The following ZFHX4 variants were observed in gnomAD, a reference collection of about 807,000 sequenced individuals.
ZFHX4 encodes the protein zinc finger homeobox 4, also known as zinc finger homeobox protein 4.
Under a neutral mutation model 267.6 loss-of-function variants are expected in ZFHX4, and 56 were observed. The ratio of observed to expected loss-of-function variants is 0.21; its 90% CI spans 0.17 to 0.26. The LOEUF is 0.26. ZFHX4 is among the 10% of genes least tolerant of loss of function. The pLI is 1.00. For synonymous variants in ZFHX4, 1,778 were observed against 1,665.6 expected (o/e 1.07, Z -1.64); for missense variants, 4,332 against 4,420.0 (o/e 0.98, Z 0.56).
At chr8:76,858,130 G>A (rs201976886) in intron 10 of ZFHX4, among the ~76,000 whole-genome samples, 1 of 152,316 alleles carries the variant, frequency 6.6e-6, no homozygotes, top group East Asian at 1.9e-4. Context: ...TTCGGACAGT[G>A]GTCCTTCTGC....
At chr8:76,788,326 A>G (rs1810747022) in intron 4 of ZFHX4, among the ~76,000 whole-genome samples, 1 of 152,222 alleles carries the variant, frequency 6.6e-6, no homozygotes, top group Non-Finnish European at 1.5e-5. Flanking sequence ...ATTCTGAGGA[A>G]AGCCTCAGAA....
intron 1 of ZFHX4, among the ~76,000 whole-genome samples, chr8:76,692,102 T>TC (rs1015390155): frequency 1.1e-4 from 17 of 152,236 alleles, no homozygotes; most frequent in African/African-American, 4.1e-4. Flanking sequence ...GCTGGTTTGG[T>TC]CCTAAGGGGC....
intron 4 of ZFHX4, among the ~76,000 whole-genome samples, chr8:76,818,612 G>A (rs1290271663): frequency 6.6e-6 from 1 of 152,002 alleles, no homozygotes; most frequent in Non-Finnish European, 1.5e-5. Flanking sequence ...ATAGAAAAGA[G>A]CATTAAAAAT....
chr8:76,844,386 C>T (rs749883727), intron 6 of ZFHX4, among the ~76,000 whole-genome samples: 21 of 152,144 alleles, frequency 1.4e-4, no homozygotes, highest in African/African-American at 4.1e-4. Flanking sequence ...CATGTAATCC[C>T]GAGGTATATG....
chr8:76,696,851 C>A (rs1409277267), intron 1 of ZFHX4, among the ~76,000 whole-genome samples: 1 of 151,844 alleles, frequency 6.6e-6, no homozygotes, highest in Non-Finnish European at 1.5e-5. Flanking sequence ...TAAAAAGACA[C>A]TTGTATTTGG....
chr8:76,763,675 T>A (rs1467444566), intron 3 of ZFHX4, among the ~76,000 whole-genome samples: 1 of 152,104 alleles, frequency 6.6e-6, no homozygotes, highest in Non-Finnish European at 1.5e-5. Flanking sequence ...TATATGATAA[T>A]GGTTGTAAAT....
At chr8:76,699,768 C>T (rs1808054413) in intron 1 of ZFHX4, among the ~76,000 whole-genome samples, 1 of 143,028 alleles carries the variant, frequency 7.0e-6, no homozygotes, top group South Asian at 2.2e-4. Flanking sequence ...AAAGTCCAGC[C>T]AAAATTCTTT....
At chr8:76,836,007 T>C (rs1485620538) in intron 5 of ZFHX4, among the ~76,000 whole-genome samples, 1 of 152,162 alleles carries the variant, frequency 6.6e-6, no homozygotes, top group Non-Finnish European at 1.5e-5. Flanking sequence ...TCCATCTCAA[T>C]TGATGACATC....
Position 76,864,509 on chromosome 8 carries a change from G to C in ZFHX4, c.10795G>C (p.Ala3599Pro), listed in dbSNP as rs1485304986. 6.2e-7 allele frequency: 1 copy of C among 1,612,918 alleles called. No homozygotes were observed. The highest frequency in any genetic ancestry group is 1.7e-5 in the Admixed American group (1 of 59,910). Residue 3599 changes from alanine to proline, a missense_variant, in exon 11 of 11, where the codon GCT becomes CCT. Ala to Pro is a conservative substitution (Grantham distance 27). Around this residue, in one of 7 missense-constraint regions of ZFHX4, gnomAD observed 1,648 missense variants for 1,625.0 expected, o/e 1.01. Transcript: ENST00000651372. Reference protein sequence around the residue: ...DNSLEVKAKPASGLDGNFNSI... With the variant: ...DNSLEVKAKPPSGLDGNFNSI... ...TTCTTTGGAAGTGAAGGCTAAGCCT[G>C]CTTCTGGCCTAGATGGTAATTTCAA...
intron 4 of ZFHX4, among the ~76,000 whole-genome samples, chr8:76,797,358 T>TA (rs1340479319): frequency 6.6e-6 from 1 of 152,200 alleles, no homozygotes; most frequent in Non-Finnish European, 1.5e-5. Flanking sequence ...TTCATATGTA[T>TA]AACCATAAGA....
chr8:76,746,052 AG>A (rs1162248702), intron 3 of ZFHX4, among the ~76,000 whole-genome samples: 1 of 152,192 alleles, frequency 6.6e-6, no homozygotes, highest in Non-Finnish European at 1.5e-5. Flanking sequence ...GTCGGTTCTC[AG>A]GGAACTTTTC....
At chr8:76,722,141 A>C (rs1808738289) in intron 3 of ZFHX4, among the ~76,000 whole-genome samples, 1 of 152,080 alleles carries the variant, frequency 6.6e-6, no homozygotes, top group Admixed American at 6.6e-5. Context: ...CATGGGTATG[A>C]TGAGATCAAT....
chr8:76,695,715 T>C (rs981461751), intron 1 of ZFHX4, among the ~76,000 whole-genome samples: 9 of 152,350 alleles, frequency 5.9e-5, no homozygotes, highest in African/African-American at 2.2e-4. Context: ...CTTTTCTTGT[T>C]TAATTCTATT....
chr8:76,695,948 G>A (rs190181969), intron 1 of ZFHX4, among the ~76,000 whole-genome samples: 306 of 152,220 alleles, frequency 2.0e-3, no homozygotes, highest in African/African-American at 7.0e-3. Context: ...GATGTTTGGT[G>A]GTAAACTTTA....
intron 1 of ZFHX4, among the ~76,000 whole-genome samples, chr8:76,702,420 A>G (rs1333179637): frequency 6.6e-6 from 1 of 152,216 alleles, no homozygotes; most frequent in African/African-American, 2.4e-5. Context: ...GAGAGTATTA[A>G]TAAGCTATTC....
At chr8:76,681,740 C>T (rs1807534897) in intron 1 of ZFHX4, 120 bp downstream of exon 1, 1 of 331,248 alleles carries the variant, frequency 3.0e-6, no homozygotes, top group East Asian at 4.5e-5. Flanking sequence ...TCTCCCTCTC[C>T]GCCTCTCTTC....
At position 76,850,910 on chromosome 8, in the gene ZFHX4, G is replaced by A; in HGVS notation, c.3989G>A (p.Ser1330Asn). ...GGTGAAAGTCCAATGGATGACAAAA[G>A]CATGGCAGGTCTCGAGGATTCAAAG... Reference protein sequence around the residue: ...YSGESPMDDKSMAGLEDSKAN... With the variant: ...YSGESPMDDKNMAGLEDSKAN... Residue 1330 changes from serine to asparagine, a missense_variant, in exon 10 of 11, where the codon AGC becomes AAC. Physicochemically the swap from Ser to Asn is conservative, Grantham distance 46 (BLOSUM62 1). Transcript: ENST00000651372. The A allele has an allele frequency of 1.2e-6, 2 of 1,609,460 alleles. No individual in the cohort carries two copies. The highest frequency in any genetic ancestry group is 1.7e-6 in the Non-Finnish European group (2 of 1,177,892).
intron 3 of ZFHX4, among the ~76,000 whole-genome samples, chr8:76,775,594 G>T (rs1460503471): frequency 6.6e-6 from 1 of 152,156 alleles, no homozygotes; most frequent in Non-Finnish European, 1.5e-5. Flanking sequence ...TACCACTAGT[G>T]CCATGGCTCT....
In ZFHX4 at chr8:76,706,677, C is replaced by T. The variant is rs918056522; in HGVS notation, c.2589C>T (p.Leu863=). 9 of 1,569,830 alleles carry T rather than the reference C, an allele frequency of 5.7e-6. No individual in the cohort carries two copies. Among genetic ancestry groups the T allele is most frequent in the Admixed American group, 5.7e-5 (3 of 52,442 alleles). Residue 863 remains leucine, a splice_region_variant and synonymous_variant, in exon 2 of 11, where the codon CTC becomes CTT. Coordinates refer to ENST00000651372, the MANE Select transcript of ZFHX4 (RefSeq NM_024721.5). The part of the protein sequence containing the change: ...PATAAALAPG[L]VNNELPPEIR... ...CAGCAGCGGCTTTGGCACCAGGGCT[C>T]GGTTAGTATTTCCTGCTTTTCTGCA...
Sources: gnomAD v4.1 joint callset for allele counts (sites outside exome capture counted in the v4.1 genomes callset) on GRCh38, gnomAD v4.1.1 for gene constraint, gnomAD v4.1.1 regional missense constraint, MANE v1.5 for transcripts, NCBI Gene and HGNC (gene_info 2026-07-23, HGNC 2026-07-21) for gene names.